HTR1F: variants seen among roughly 807,000 people sequenced by gnomAD.
HTR1F encodes 5-hydroxytryptamine (serotonin) receptor 1F, G protein-coupled.
A neutral mutation model predicts 24.0 loss-of-function variants in HTR1F; 17 were observed. That is an observed-to-expected ratio of 0.71 (90% CI 0.48 to 1.06). The LOEUF is 1.06. HTR1F is among the 50% of genes least tolerant of loss of function. The pLI is 0.00. For missense variants in HTR1F, 391 were observed against 427.8 expected, an observed-to-expected ratio of 0.91 and a Z score of 0.76; for synonymous variants, 186 against 156.8, an observed-to-expected ratio of 1.19 and a Z score of -1.39.
At chr3:87,809,192 A>G (rs1049826290) in intron 1 of HTR1F, among the ~76,000 whole-genome samples, 5 of 151,976 alleles carry the variant, frequency 3.3e-5, no homozygotes, top group African/African-American at 1.2e-4. Flanking sequence ...TAAAAATAAT[A>G]GAAAATATTT....
intron 2 of HTR1F, among the ~76,000 whole-genome samples, chr3:87,855,641 T>A (rs1031309714): frequency 3.3e-5 from 5 of 152,106 alleles, no homozygotes; most frequent in Non-Finnish European, 7.4e-5. Flanking sequence ...TATCTGCAGT[T>A]TTCGTTGTGC....
intron 2 of HTR1F, among the ~76,000 whole-genome samples, chr3:87,906,126 GAA>G (rs887696703): frequency 6.6e-6 from 1 of 152,074 alleles, no homozygotes; most frequent in South Asian, 2.1e-4. Context: ...TGTCACTTGG[GAA>G]AAAAAGTGTT....
chr3:87,896,201 G>A lies in HTR1F; in HGVS notation c.-43+74077G>A, dbSNP rs1224180939. 5.9e-5 allele frequency among the ~76,000 whole-genome samples: 9 copies of A among 152,190 alleles called. No individual in the cohort carries two copies. The South Asian group carries it at 1.9e-3, about 32-fold the overall frequency. On this transcript the variant is annotated intron_variant, in intron 2 of 2. Transcript: ENST00000319595. ...ACCAGCCAATCAATCTCACCTCAGG[G>A]ACATTACCTGAAAAGAGCTTTACCT...
At chr3:87,845,034 C>G (rs1451937329) in intron 2 of HTR1F, among the ~76,000 whole-genome samples, 3 of 151,740 alleles carry the variant, frequency 2.0e-5, no homozygotes, top group Non-Finnish European at 2.9e-5. Flanking sequence ...ATTCAACAAC[C>G]TTTCATGCTA....
In HTR1F at chr3:87,991,068, T is replaced by C; in HGVS notation, c.319T>C (p.Cys107Arg). The change falls in exon 3 of 3, where the codon TGC becomes CGC. Residue 107 changes from cysteine (C) to arginine (R), a missense_variant. Physicochemically the swap from Cys to Arg is radical, Grantham distance 180. Transcript: ENST00000319595. ...DIWLSVDITC[C>R]TCSILHLSAI... ...TTGGCTGAGTGTTGACATTACCTGC[T>C]GCACGTGCTCCATCTTGCATCTCTC... 1 of 1,613,994 alleles carries C rather than the reference T, an allele frequency of 6.2e-7. No homozygotes were observed.
chr3:87,886,982 G>A (rs548279636), intron 2 of HTR1F, among the ~76,000 whole-genome samples: 19 of 152,144 alleles, frequency 1.2e-4, no homozygotes, highest in African/African-American at 4.1e-4. Flanking sequence ...CTACTTTAAA[G>A]TTCACATGGA....
rs919032744 is a variant in HTR1F, at chr3:87,919,662, G to C, written c.-42-71046G>C. Among the ~76,000 whole-genome samples the C allele has an allele frequency of 2.6e-5, 4 of 151,756 alleles. No individual in the cohort carries two copies. In the South Asian group the frequency reaches 6.2e-4, roughly 24 times the overall value. ...ATCAGGGAAATGCAAATCAAACCAC[G>C]ATATGATACCACCTTACTCCAGCAA... On this transcript the variant is annotated intron_variant, in intron 2 of 2. Transcript: ENST00000319595.
intron 2 of HTR1F, among the ~76,000 whole-genome samples, chr3:87,986,724 TA>T (rs2107521115): frequency 6.6e-6 from 1 of 152,356 alleles, no homozygotes. Context: ...CAAAATTGTT[TA>T]TCAGGCAAAT....
chr3:87,883,916 C>T (rs1705871165), intron 2 of HTR1F, among the ~76,000 whole-genome samples: 1 of 152,166 alleles, frequency 6.6e-6, no homozygotes, highest in Non-Finnish European at 1.5e-5. Context: ...TTGGAAAACA[C>T]TCTTCAGGAT....
At position 87,992,778 on chromosome 3, in the gene HTR1F, A is replaced by T; in HGVS notation, c.*928A>T. ...AACTAAATTGTCTGTGGTATTTTGCACTTCAGTATTTTCCATACCTTTGAT... is the reference window on the plus strand; with the variant it reads ...AACTAAATTGTCTGTGGTATTTTGCTCTTCAGTATTTTCCATACCTTTGAT... On this transcript the variant is annotated 3_prime_UTR_variant, in exon 3 of 3. Coordinates refer to ENST00000319595, the MANE Select transcript of HTR1F (RefSeq NM_001322209.2). 1 of 167,126 alleles carries T rather than the reference A, an allele frequency of 6.0e-6. No individual in the cohort carries two copies. 10.4% of individuals were successfully genotyped at this position (167,126 alleles called of 1,614,324 possible).
At chr3:87,831,366 T>TATC (rs1459129964) in intron 2 of HTR1F, among the ~76,000 whole-genome samples, 7 of 137,736 alleles carry the variant, frequency 5.1e-5, no homozygotes, top group African/African-American at 1.9e-4. Context: ...TTATTATTAT[T>TATC]ATTATTATTA....
intron 2 of HTR1F, among the ~76,000 whole-genome samples, chr3:87,899,696 G>A (rs1027425482): frequency 4.0e-5 from 6 of 151,816 alleles, no homozygotes; most frequent in Admixed American, 2.0e-4. Flanking sequence ...AACCCCGTCC[G>A]TACTAAAAAT....
intron 2 of HTR1F, among the ~76,000 whole-genome samples, chr3:87,947,541 G>C (rs1704737777): frequency 6.6e-6 from 1 of 151,998 alleles, no homozygotes; most frequent in South Asian, 2.1e-4. Flanking sequence ...GTTACTGTTA[G>C]TTATAACCAC....
intron 2 of HTR1F, among the ~76,000 whole-genome samples, chr3:87,916,309 G>GAAAAAAAAAAAAAAAAAAACAAAAAAAA: frequency 9.0e-6 from 1 of 111,066 alleles, no homozygotes; most frequent in Non-Finnish European, 1.8e-5. Context: ...AAGCAAAAAA[G>GAAAAAAAAAAAAAAAAAAACAAAAAAAA]AAAAAAAAAA....
chr3:87,950,149 C>A (rs1160587703), intron 2 of HTR1F, among the ~76,000 whole-genome samples: 1 of 152,206 alleles, frequency 6.6e-6, no homozygotes, highest in Admixed American at 6.5e-5. Context: ...AAAGCAAGAA[C>A]TCTTTCACTA....
chr3:87,827,083 TTA>T (rs1195239938), intron 2 of HTR1F, among the ~76,000 whole-genome samples: 1 of 152,090 alleles, frequency 6.6e-6, no homozygotes, highest in African/African-American at 2.4e-5. Context: ...AGTGTGGGAA[TTA>T]CAGGTTTGAG....
chr3:87,814,740 C>T (rs1304474400), intron 1 of HTR1F, among the ~76,000 whole-genome samples: 1 of 152,088 alleles, frequency 6.6e-6, no homozygotes, highest in Non-Finnish European at 1.5e-5. Flanking sequence ...TATTTTTCTT[C>T]CAGCTTCTAT....
intron 1 of HTR1F, among the ~76,000 whole-genome samples, chr3:87,800,022 T>C (rs1405479537): frequency 6.6e-6 from 1 of 152,218 alleles, no homozygotes; most frequent in Non-Finnish European, 1.5e-5. Flanking sequence ...GAATATACTA[T>C]ACTTTCCTGA....
chr3:87,892,040 G>GA (rs1054074879), intron 2 of HTR1F, among the ~76,000 whole-genome samples: 12 of 152,070 alleles, frequency 7.9e-5, no homozygotes, highest in Admixed American at 6.6e-4. Flanking sequence ...ACCTAAAGGG[G>GA]AAAAATCAAA....
Sources: gnomAD v4.1 joint callset for allele counts (sites outside exome capture counted in the v4.1 genomes callset) on GRCh38, gnomAD v4.1.1 for gene constraint, MANE v1.5 for transcripts, NCBI Gene and HGNC (gene_info 2026-07-23, HGNC 2026-07-21) for gene names.